Variants in GTF2A1L observed in about 807,000 individuals in gnomAD.
GTF2A1L encodes the protein TFIIA-alpha and beta-like factor.
A neutral mutation model predicts 49.7 loss-of-function variants in GTF2A1L; 48 were observed. That is an observed-to-expected ratio of 0.97 (90% CI 0.77 to 1.23). The LOEUF is 1.23. GTF2A1L is among the 50% of genes most tolerant of loss of function. The pLI, the probability that GTF2A1L is intolerant of heterozygous loss-of-function variation, is 0.00. For missense variants in GTF2A1L, 736 were observed against 564.8 expected, an observed-to-expected ratio of 1.30 and a Z score of -3.07; for synonymous variants, 246 against 193.5, an observed-to-expected ratio of 1.27 and a Z score of -2.25.
intron 8 of GTF2A1L, 51 bp from the exon 9 acceptor site, chr2:48,679,284 G>A (rs1399488233): frequency 1.3e-6 from 2 of 1,584,852 alleles, no homozygotes; most frequent in African/African-American, 2.7e-5. Flanking sequence ...AAATGCAGGT[G>A]ATCCTTTAAC....
At chr2:48,622,311 A>G (rs1381351972) in intron 3 of GTF2A1L, among the ~76,000 whole-genome samples, 1 of 152,242 alleles carries the variant, frequency 6.6e-6, no homozygotes, top group African/African-American at 2.4e-5. Context: ...TTAATAAAGT[A>G]TAATTTTGCT....
intron 6 of GTF2A1L, among the ~76,000 whole-genome samples, chr2:48,659,120 A>G (rs1419776091): frequency 1.3e-5 from 2 of 152,030 alleles, no homozygotes; most frequent in Admixed American, 1.3e-4. Context: ...GCCTTTATAT[A>G]TATATTAGCA....
At chr2:48,655,762 C>T (rs76788284) in intron 6 of GTF2A1L, among the ~76,000 whole-genome samples, 1 of 151,956 alleles carries the variant, frequency 6.6e-6, no homozygotes, top group African/African-American at 2.4e-5. Flanking sequence ...TAAGTATATT[C>T]ACATTGTTGT....
At chr2:48,638,626 T>C (rs968188116) in intron 3 of GTF2A1L, among the ~76,000 whole-genome samples, 1 of 152,158 alleles carries the variant, frequency 6.6e-6, no homozygotes, top group Non-Finnish European at 1.5e-5. Flanking sequence ...TTATACTGAA[T>C]GGGGAAAAGC....
chr2:48,637,484 G>C (rs1676962515), intron 3 of GTF2A1L, among the ~76,000 whole-genome samples: 1 of 152,114 alleles, frequency 6.6e-6, no homozygotes, highest in African/African-American at 2.4e-5. Flanking sequence ...AGTGTTAAGA[G>C]GGAAATTCAT....
chr2:48,668,197 A>G (rs1353337263), intron 6 of GTF2A1L, among the ~76,000 whole-genome samples: 1 of 152,122 alleles, frequency 6.6e-6, no homozygotes, highest in Non-Finnish European at 1.5e-5. Context: ...TATATTTCTG[A>G]TTGTAAAGGA....
intron 7 of GTF2A1L, among the ~76,000 whole-genome samples, chr2:48,670,746 G>A (rs1169265258): frequency 6.6e-6 from 1 of 152,158 alleles, no homozygotes; most frequent in Non-Finnish European, 1.5e-5. Context: ...TTTTAGATAT[G>A]AGGAAACTGA....
intron 1 of GTF2A1L, among the ~76,000 whole-genome samples, chr2:48,620,262 C>T (rs1675906234): frequency 6.6e-6 from 1 of 152,152 alleles, no homozygotes; most frequent in African/African-American, 2.4e-5. Context: ...ATGACAATAA[C>T]CATGCATCTT....
chr2:48,622,989 T>C (rs543945872), intron 3 of GTF2A1L, among the ~76,000 whole-genome samples: 20 of 152,180 alleles, frequency 1.3e-4, no homozygotes, highest in Non-Finnish European at 1.3e-4. Context: ...CAGCTCCTTA[T>C]TCTGTATCTT....
At chr2:48,660,880 A>G (rs1432176557) in intron 6 of GTF2A1L, among the ~76,000 whole-genome samples, 2 of 152,138 alleles carry the variant, frequency 1.3e-5, no homozygotes, top group East Asian at 3.9e-4. Flanking sequence ...GCCTCAAGTG[A>G]TCCACCTGCC....
intron 8 of GTF2A1L, among the ~76,000 whole-genome samples, chr2:48,672,577 T>C (rs553786376): frequency 6.6e-6 from 1 of 152,260 alleles, no homozygotes; most frequent in East Asian, 1.9e-4. Context: ...GAGGTTATGA[T>C]GGAAAAATCG....
At chr2:48,631,176 T>C (rs1676547738) in intron 3 of GTF2A1L, among the ~76,000 whole-genome samples, 1 of 152,168 alleles carries the variant, frequency 6.6e-6, no homozygotes, top group South Asian at 2.1e-4. Context: ...CATTTTGGAA[T>C]AGTTTTCAGC....
intron 7 of GTF2A1L, 66 bp from the exon 8 acceptor site, chr2:48,671,525 T>A: frequency 6.6e-7 from 1 of 1,517,244 alleles, no homozygotes; most frequent in South Asian, 1.3e-5. Flanking sequence ...TTTCTATATG[T>A]CTCTTTATCT....
chr2:48,629,901 G>A (rs1181731723), intron 3 of GTF2A1L, among the ~76,000 whole-genome samples: 2 of 143,616 alleles, frequency 1.4e-5, no homozygotes, highest in African/African-American at 2.5e-5. Flanking sequence ...TATTTTTGTC[G>A]ACTTTGTCAA....
chr2:48,668,026 CT>C, intron 6 of GTF2A1L, among the ~76,000 whole-genome samples: 1 of 152,240 alleles, frequency 6.6e-6, no homozygotes, highest in African/African-American at 2.4e-5. Context: ...ACGATGAAGG[CT>C]TTTTGGGTGC....
chr2:48,660,802 G>A (rs1296846057), intron 6 of GTF2A1L, among the ~76,000 whole-genome samples: 3 of 151,890 alleles, frequency 2.0e-5, no homozygotes, highest in South Asian at 2.1e-4. Context: ...TACTATGCCC[G>A]GCTAATTTTT....
At chr2:48,644,370 T>C (rs1483394012) in intron 4 of GTF2A1L, among the ~76,000 whole-genome samples, 1 of 152,226 alleles carries the variant, frequency 6.6e-6, no homozygotes, top group Non-Finnish European at 1.5e-5. Flanking sequence ...GTAATATAGA[T>C]GGACTGCTTT....
intron 6 of GTF2A1L, among the ~76,000 whole-genome samples, chr2:48,659,482 G>C (rs1678370036): frequency 6.6e-6 from 1 of 151,966 alleles, no homozygotes; most frequent in South Asian, 2.1e-4. Context: ...TGAATTTTTG[G>C]ATAGATTTTT....
In GTF2A1L at chr2:48,647,056, T is replaced by A. The variant is rs1677560387; in HGVS notation, c.978+14T>A. The stretch of plus-strand genomic sequence containing the variant: ...GTATCAGAGAAGGTATAGTTCTGTG[T>A]CCAACTTCTTGGTATCAGGGGACAG... On this transcript the variant is annotated intron_variant, in intron 6 of 8. Transcript: ENST00000403751. 1.3e-6 allele frequency: 2 copies of A among 1,560,598 alleles called. No homozygotes were observed. The highest frequency in any genetic ancestry group is 1.7e-6 in the Non-Finnish European group (2 of 1,154,370).
Sources: gnomAD v4.1 joint callset for allele counts (sites outside exome capture counted in the v4.1 genomes callset) on GRCh38, gnomAD v4.1.1 for gene constraint, MANE v1.5 for transcripts, NCBI Gene and HGNC (gene_info 2026-07-23, HGNC 2026-07-21) for gene names.